The following HYOU1 variants were observed in gnomAD, a reference collection of about 807,000 sequenced individuals.
The protein encoded by HYOU1 is hypoxia up-regulated 1, also known as hypoxia up-regulated protein 1.
A neutral mutation model predicts 120.5 loss-of-function variants in HYOU1; 40 were observed. That is an observed-to-expected ratio of 0.33 (90% CI 0.26 to 0.43). The LOEUF is 0.43. HYOU1 is among the 20% of genes least tolerant of loss of function. HYOU1 has a pLI of 1.00. For synonymous variants in HYOU1, 501 were observed against 479.4 expected (o/e 1.05, Z -0.59); for missense variants, 1,085 against 1,278.3 (o/e 0.85, Z 2.31).
At position 119,051,346 on chromosome 11, in the gene HYOU1, G is replaced by A. The variant is rs1482080426; in HGVS notation, c.1526+92C>T. 2 of 1,499,578 alleles carry A rather than the reference G, an allele frequency of 1.3e-6. No homozygotes were observed. The highest frequency in any genetic ancestry group is 1.8e-6 in the Non-Finnish European group (2 of 1,092,862). The allele number at this position is 1,499,578 out of a possible 1,614,324, so 92.9% of individuals were successfully genotyped here. A position where few individuals can be genotyped will look rare whatever the true frequency, so the allele number is the denominator to read the frequency against. On this transcript the variant is annotated intron_variant, in intron 13 of 25. Transcript: ENST00000617285. This position sits in a 1 kb window ranked among gnomAD's most constrained non-coding sequence, Gnocchi z 4.2. Reference sequence around the variant, plus strand: ...TAGCTGCCCTGTTTCAGCCCCGCAGGCCCACATCCTCCCTCACCCCCAGTC... The same window carrying A: ...TAGCTGCCCTGTTTCAGCCCCGCAGACCCACATCCTCCCTCACCCCCAGTC...
In HYOU1 at chr11:119,052,097, C is replaced by G. The variant is rs2133590269; in HGVS notation, c.1198G>C (p.Val400Leu). 3.1e-6 allele frequency: 5 copies of G among 1,614,170 alleles called. No individual in the cohort carries two copies. The highest frequency in any genetic ancestry group is 4.2e-6 in the Non-Finnish European group (5 of 1,180,024). The change falls in exon 11 of 26, where the codon GTG becomes CTG. Residue 400 changes from valine to leucine, a missense_variant. By Grantham distance (32) the Val-to-Leu change is conservative. Coordinates refer to ENST00000617285, the MANE Select transcript of HYOU1 (RefSeq NM_006389.5). This position sits in a 1 kb window ranked among gnomAD's most constrained non-coding sequence, Gnocchi z 5.0. ...TCTAGCCCCCACACTCACTTGCCCA[C>G]GGCCTTCAGCAGCACCTCCTGAACT... ...PRVQEVLLKA[V>L]GKEELGKNIN...
At chr11:119,053,778 T>A (rs1256968965) in intron 8 of HYOU1, 2 of 189,190 alleles carry the variant, frequency 1.1e-5, no homozygotes, top group East Asian at 1.5e-4. Context: ...TAAAAAAAAA[T>A]TTAAAAAGAG....
At position 119,044,934 on chromosome 11, in the gene HYOU1, TC is replaced by T; in HGVS notation, c.*658del. The T allele has an allele frequency of 3.0e-6, 1 of 332,122 alleles. No individual in the cohort carries two copies. Among genetic ancestry groups the T allele is most frequent in the South Asian group, 2.3e-5 (1 of 43,394 alleles). The allele number at this position is 332,122 out of a possible 1,614,324, so 20.6% of individuals were successfully genotyped here. Reference sequence around the variant, plus strand: ...TAGGGGTGGGAAATACGAGTGAGAATCCTTCCAGATTTACTTCCGCCAATCC... The same window carrying T: ...TAGGGGTGGGAAATACGAGTGAGAATCTTCCAGATTTACTTCCGCCAATCC... On this transcript the variant is annotated 3_prime_UTR_variant, in exon 26 of 26. Transcript: ENST00000617285.
intron 1 of HYOU1, chr11:119,056,660 T>C (rs12796218): frequency 0.039 from 11,939 of 303,602 alleles, 331 homozygotes; most frequent in Middle Eastern, 0.087. Context: ...GCCTATCTCC[T>C]CCTCGGCATC....
chr11:119,055,740 C>A lies in HYOU1; in HGVS notation c.185+10G>T, dbSNP rs74571087. ...TCGTTCCCCACCCTTAACACGGGGGCCACCCTCACTTATTCAAGACAATTT... is the reference window on the plus strand; with the variant it reads ...TCGTTCCCCACCCTTAACACGGGGGACACCCTCACTTATTCAAGACAATTT... On this transcript the variant is annotated intron_variant, in intron 3 of 25. Coordinates refer to ENST00000617285, the MANE Select transcript of HYOU1 (RefSeq NM_006389.5). This position sits in a 1 kb window ranked among gnomAD's most constrained non-coding sequence, Gnocchi z 4.0. 4.7e-4 allele frequency: 750 copies of A among 1,610,140 alleles called. 7 individuals are homozygous for A. In the East Asian group the frequency reaches 8.4e-3, roughly 18 times the overall value.
Position 119,046,625 on chromosome 11 carries a change from G to A in HYOU1, c.2773C>T (p.Arg925Trp), listed in dbSNP as rs2133551709. ...RPRPKDKNGT[R>W]AEPPLNASAS... ...CTGGCATTGAGGGGTGGCTCTGCCCGGGTCCCATTCTTGTCCTTAGGCCGG... is the reference window on the plus strand; with the variant it reads ...CTGGCATTGAGGGGTGGCTCTGCCCAGGTCCCATTCTTGTCCTTAGGCCGG... Residue 925 changes from arginine (R) to tryptophan (W), a missense_variant, in exon 23 of 26, where the codon CGG becomes TGG. Physicochemically the swap from Arg to Trp is moderately radical, Grantham distance 101 (BLOSUM62 -3). This residue lies in a region of HYOU1 where 516 missense variants were observed against 517.1 expected (regional missense o/e 1.00). Transcript: ENST00000617285. 30 of 1,614,156 alleles carry A rather than the reference G, an allele frequency of 1.9e-5. No homozygotes were observed. The South Asian group carries it at 2.5e-4, about 14-fold the overall frequency.
Position 119,048,648 on chromosome 11 carries a change from C to T in HYOU1, c.2165+66G>A, listed in dbSNP as rs1348829210. On this transcript the variant is annotated intron_variant, in intron 18 of 25. Transcript: ENST00000617285. This position sits in a 1 kb window ranked among gnomAD's most constrained non-coding sequence, Gnocchi z 4.7. ...GGTCCGACAGCCCTCCCTCCCAGGGCGCCATCCCACATCCTGCCCACCTTG... is the reference window on the plus strand; with the variant it reads ...GGTCCGACAGCCCTCCCTCCCAGGGTGCCATCCCACATCCTGCCCACCTTG... 1.2e-5 allele frequency: 20 copies of T among 1,605,958 alleles called. No homozygotes were observed. Among genetic ancestry groups the T allele is most frequent in the East Asian group, 6.7e-5 (3 of 44,844 alleles).
At chr11:119,054,901 G>A in intron 6 of HYOU1, 83 bp downstream of exon 6, 2 of 1,405,114 alleles carry the variant, frequency 1.4e-6, no homozygotes, top group African/African-American at 1.4e-5. Flanking sequence ...ATGTTCCCTG[G>A]GAGGCAAACT....
chr11:119,047,013 T>A (rs925916391), intron 22 of HYOU1, among the ~76,000 whole-genome samples: 2 of 151,764 alleles, frequency 1.3e-5, no homozygotes, highest in African/African-American at 4.8e-5. Context: ...CTGGTTTACA[T>A]CCTACTACTC....
rs2134682060 is a variant in HYOU1 at position 119,047,950 on chromosome 11, A to C, written c.2507T>G (p.Leu836Arg). 1.9e-6 allele frequency: 3 copies of C among 1,614,136 alleles called. No individual in the cohort carries two copies. The highest frequency in any genetic ancestry group is 1.6e-4 in the Middle Eastern group (1 of 6,062). ...AAAGGGTTCAGGGGCTGCTCACTTG[A>C]GGAACATGCTGGAATGGTTGAGGAG... ...DNLLNHSSMFLKGARLIPEMD... is the reference protein window; with the variant it reads ...DNLLNHSSMFRKGARLIPEMD... The change falls in exon 21 of 26, where the codon CTC becomes CGC. Residue 836 changes from leucine (L) to arginine (R), a missense_variant. Physicochemically the swap from Leu to Arg is moderately radical, Grantham distance 102. Transcript: ENST00000617285.
chr11:119,051,621 T>G lies in HYOU1; in HGVS notation c.1343A>C (p.Glu448Ala). 1 of 1,613,824 alleles carries G rather than the reference T, an allele frequency of 6.2e-7. No homozygotes were observed. The highest frequency in any genetic ancestry group is 8.5e-7 in the Non-Finnish European group (1 of 1,179,954). ...RDAVVYPILV[E>A]FTREVEEEPG... ...CTCCTCCTCCACCTCCCTCGTGAAC[T>G]CCACCTACACAGCAGGCAGACAGAG... The change falls in exon 13 of 26, where the codon GAG (glutamate) becomes GCG (alanine). Residue 448 changes from glutamate (E) to alanine (A), a missense_variant. Glu to Ala is a moderately radical substitution (Grantham distance 107, BLOSUM62 -1). Coordinates refer to ENST00000617285, the MANE Select transcript of HYOU1 (RefSeq NM_006389.5). The surrounding 1 kb of genome is among the most constrained non-coding windows in gnomAD (Gnocchi z 4.2).
intron 16 of HYOU1, 92 bp from the exon 17 acceptor site, chr11:119,049,295 T>C (rs2133571831): frequency 2.5e-6 from 4 of 1,577,970 alleles, no homozygotes; most frequent in Middle Eastern, 1.7e-4. Context: ...GGGGGTTCCA[T>C]ACAGGTGACT....
Position 119,049,079 on chromosome 11 carries a change from T to G in HYOU1, c.1931A>C (p.Asp644Ala). 1.9e-6 allele frequency: 3 copies of G among 1,614,116 alleles called. No homozygotes were observed. The highest frequency in any genetic ancestry group is 2.5e-6 in the Non-Finnish European group (3 of 1,180,018). The change falls in exon 17 of 26, where the codon GAT (aspartate) becomes GCT (alanine). Residue 644 changes from aspartate (D) to alanine (A), a missense_variant. Transcript: ENST00000617285. ...SQPPPPEPKGDATPEGEKATE... is the reference protein window; with the variant it reads ...SQPPPPEPKGAATPEGEKATE... ...GGCCTTTTCTCCCTCAGGGGTTGCA[T>G]CTCCCTTAGGTTCAGGGGGTGGGGG... is the stretch of plus-strand genomic sequence containing the variant.
At position 119,045,558 on chromosome 11, in the gene HYOU1, G is replaced by C. The variant is rs369505393; in HGVS notation, c.*35C>G. The C allele has an allele frequency of 1.5e-5, 23 of 1,546,512 alleles. No individual in the cohort carries two copies. The African/African-American group carries it at 1.5e-4, about 10-fold the overall frequency. ...AAATAAATAGAAGTGGTGGGGGAAG[G>C]GGGTGGAGATGAATGGGGAAAACAG... On this transcript the variant is annotated 3_prime_UTR_variant, in exon 26 of 26. Coordinates refer to ENST00000617285, the MANE Select transcript of HYOU1 (RefSeq NM_006389.5).
chr11:119,045,450 C>T lies in HYOU1; in HGVS notation c.*143G>A. 3 of 799,946 alleles carry T rather than the reference C, an allele frequency of 3.8e-6. No homozygotes were observed. The highest frequency in any genetic ancestry group is 2.7e-5 in the South Asian group (2 of 73,396). The allele number at this position is 799,946 out of a possible 1,614,324, so 49.6% of individuals were successfully genotyped here. On this transcript the variant is annotated 3_prime_UTR_variant, in exon 26 of 26. Transcript: ENST00000617285. ...ACCAGTGAGCTGTCCCTCCCTTCCCCTTCTCCACACCTCCAAATCACAGGG... is the reference window on the plus strand; with the variant it reads ...ACCAGTGAGCTGTCCCTCCCTTCCCTTTCTCCACACCTCCAAATCACAGGG...
rs2133593968 is a variant in HYOU1 at position 119,052,597 on chromosome 11, G to A, written c.987+40C>T. On this transcript the variant is annotated intron_variant, in intron 9 of 25. Coordinates refer to ENST00000617285, the MANE Select transcript of HYOU1 (RefSeq NM_006389.5). This position sits in a 1 kb window ranked among gnomAD's most constrained non-coding sequence, Gnocchi z 5.0. ...AGTGGCAGGGTCCCCCACCCTCTACGTGGGACAAAATATAGCCTCAACCAG... is the reference window on the plus strand; with the variant it reads ...AGTGGCAGGGTCCCCCACCCTCTACATGGGACAAAATATAGCCTCAACCAG... 72 of 1,587,918 alleles carry A rather than the reference G, an allele frequency of 4.5e-5. No individual in the cohort carries two copies. Among genetic ancestry groups the A allele is most frequent in the Non-Finnish European group, 5.8e-5 (67 of 1,164,872 alleles).
Position 119,045,163 on chromosome 11 carries a change from G to C in HYOU1, c.*430C>G, listed in dbSNP as rs1240063883. 3 of 457,956 alleles carry C rather than the reference G, an allele frequency of 6.6e-6. No individual in the cohort carries two copies. In the East Asian group the frequency reaches 2.1e-4, roughly 32 times the overall value. 28.4% of individuals were successfully genotyped at this position (457,956 alleles called of 1,614,324 possible). On this transcript the variant is annotated 3_prime_UTR_variant, in exon 26 of 26. Coordinates refer to ENST00000617285, the MANE Select transcript of HYOU1 (RefSeq NM_006389.5). ...GGCTCTGCAGACACTGGCCTGAAAG[G>C]ATGCTCATCGCATGGTGGGAGAGGA...
rs1275433502 is a variant in HYOU1 at position 119,045,138 on chromosome 11, G to C, written c.*455C>G. The stretch of plus-strand genomic sequence containing the variant: ...CTCAGAAACCAAACCTGGTAACTGA[G>C]GCTCTGCAGACACTGGCCTGAAAGG... On this transcript the variant is annotated 3_prime_UTR_variant, in exon 26 of 26. Coordinates refer to ENST00000617285, the MANE Select transcript of HYOU1 (RefSeq NM_006389.5). 2.2e-6 allele frequency: 1 copy of C among 456,868 alleles called. No homozygotes were observed. Among genetic ancestry groups the C allele is most frequent in the Non-Finnish European group, 4.4e-6 (1 of 227,298 alleles). The allele number at this position is 456,868 out of a possible 1,614,324, so 28.3% of individuals were successfully genotyped here.
chr11:119,052,751 G>C lies in HYOU1; in HGVS notation c.873C>G (p.Arg291=). The C allele has an allele frequency of 6.2e-7, 1 of 1,614,224 alleles. No homozygotes were observed. The highest frequency in any genetic ancestry group is 1.1e-5 in the South Asian group (1 of 91,080). ...GCACATCCTTTGCTCTCTGACCCTT[G>C]CGCTGCTCATTGAAAAGCCCAGCCA... The part of the protein sequence containing the change: ...ERLAGLFNEQ[R]KGQRAKDVRE... Residue 291 remains arginine (R), a synonymous_variant, in exon 9 of 26, where the codon CGC becomes CGG. Transcript: ENST00000617285. This position sits in a 1 kb window ranked among gnomAD's most constrained non-coding sequence, Gnocchi z 5.0.
Sources: allele counts gnomAD v4.1 joint callset (sites outside exome capture counted in the v4.1 genomes callset), GRCh38; gene constraint gnomAD v4.1.1; regional missense constraint gnomAD v4.1.1; non-coding constraint Gnocchi (gnomAD v3.1); transcripts MANE v1.5; gene names NCBI Gene and HGNC (gene_info 2026-07-23, HGNC 2026-07-21).